SLC15A2: variants seen among roughly 807,000 people sequenced by gnomAD.
SLC15A2 encodes solute carrier family 15 member 2.
Under a neutral mutation model 95.5 loss-of-function variants are expected in SLC15A2, and 77 were observed. The ratio of observed to expected loss-of-function variants is 0.81; its 90% CI spans 0.67 to 0.97. The LOEUF (loss-of-function observed/expected upper bound fraction) is 0.97. Ranked by LOEUF, SLC15A2 falls within the 50% of genes least tolerant of loss-of-function variation. SLC15A2 has a pLI of 0.00. For missense variants in SLC15A2, 893 were observed against 874.4 expected (o/e 1.02, Z -0.27); for synonymous variants, 306 against 306.9 (o/e 1.00, Z 0.03).
intron 19 of SLC15A2, 143 bp from the exon 20 acceptor site, chr3:121,939,206 A>G (rs1386089167): frequency 3.4e-6 from 2 of 593,048 alleles, no homozygotes; most frequent in African/African-American, 1.9e-5. Context: ...AAAAGCTGGA[A>G]TTGTGTAGAA....
chr3:121,924,288 A>C, intron 11 of SLC15A2, 63 bp from the exon 12 acceptor site: 8 of 1,384,006 alleles, frequency 5.8e-6, no homozygotes, highest in Non-Finnish European at 7.1e-6. Flanking sequence ...TTATTGATCT[A>C]GGCCAACATT....
At chr3:121,897,999 T>G (rs1412426509) in intron 3 of SLC15A2, among the ~76,000 whole-genome samples, 2 of 151,920 alleles carry the variant, frequency 1.3e-5, no homozygotes, top group Admixed American at 6.6e-5. Flanking sequence ...CCGTCTCTAC[T>G]AAAAATACAA....
intron 12 of SLC15A2, 36 bp downstream of exon 12, chr3:121,924,419 G>A (rs753604781): frequency 2.8e-5 from 45 of 1,591,642 alleles, no homozygotes; most frequent in Non-Finnish European, 3.3e-5. Flanking sequence ...GGACTTATTT[G>A]TTTCCTTATC....
rs1709867426 is a variant in SLC15A2 at position 121,915,233 on chromosome 3, G to C, written c.535G>C (p.Glu179Gln). ...GDQFEEKHAE[E>Q]RTRYFSVFYL... is the part of the protein sequence containing the mutation. ...TTTATCCTGTTTGTTTCAGGCAGAG[G>C]AACGGACTAGATACTTCTCAGTCTT... Residue 179 changes from glutamate to glutamine, a missense_variant, in exon 6 of 22, where the codon GAA (glutamate) becomes CAA (glutamine). Physicochemically the swap from Glu to Gln is conservative, Grantham distance 29. Coordinates refer to ENST00000489711, the MANE Select transcript of SLC15A2 (RefSeq NM_021082.4). 1.9e-6 allele frequency: 3 copies of C among 1,612,270 alleles called. No individual in the cohort carries two copies. Among genetic ancestry groups the C allele is most frequent in the Non-Finnish European group, 2.5e-6 (3 of 1,178,478 alleles).
chr3:121,934,809 G>A (rs1710306568), intron 19 of SLC15A2, among the ~76,000 whole-genome samples: 1 of 152,090 alleles, frequency 6.6e-6, no homozygotes, highest in African/African-American at 2.4e-5. Context: ...TGTTGAATAG[G>A]AGTGGAGAGA....
intron 7 of SLC15A2, among the ~76,000 whole-genome samples, chr3:121,921,551 T>C (rs1710005705): frequency 6.6e-6 from 1 of 152,154 alleles, no homozygotes; most frequent in African/African-American, 2.4e-5. Context: ...GCTTAACAAG[T>C]TACATGTGAT....
intron 3 of SLC15A2, among the ~76,000 whole-genome samples, chr3:121,902,314 ACT>A (rs1169359004): frequency 1.3e-5 from 2 of 151,176 alleles, no homozygotes; most frequent in African/African-American, 4.9e-5. Context: ...ACTTAGAACC[ACT>A]CTCTTAAACG....
At chr3:121,919,486 G>A (rs1709965005) in intron 7 of SLC15A2, among the ~76,000 whole-genome samples, 1 of 152,142 alleles carries the variant, frequency 6.6e-6, no homozygotes, top group Admixed American at 6.5e-5. Context: ...TTTTGAATGG[G>A]GGAGTACATG....
Position 121,927,823 on chromosome 3 carries a change from T to G in SLC15A2, c.1190T>G (p.Val397Gly). 6.2e-7 allele frequency: 1 copy of G among 1,613,274 alleles called. No homozygotes were observed. Among genetic ancestry groups the G allele is most frequent in the Non-Finnish European group, 8.5e-7 (1 of 1,179,170 alleles). Reference protein sequence around the residue: ...ACLAFAVAAAVEIKINEMAPA... With the variant: ...ACLAFAVAAAGEIKINEMAPA... Reference sequence around the variant, plus strand: ...CTGGCATTTGCAGTTGCGGCAGCTGTAGAGATAAAAATAAATGTGAGTTCA... The same window carrying G: ...CTGGCATTTGCAGTTGCGGCAGCTGGAGAGATAAAAATAAATGTGAGTTCA... Residue 397 changes from valine to glycine, a missense_variant, in exon 14 of 22, where the codon GTA becomes GGA. Coordinates refer to ENST00000489711, the MANE Select transcript of SLC15A2 (RefSeq NM_021082.4).
chr3:121,931,294 A>G (rs1710228473), intron 18 of SLC15A2, among the ~76,000 whole-genome samples: 1 of 152,218 alleles, frequency 6.6e-6, no homozygotes, highest in African/African-American at 2.4e-5. Flanking sequence ...CATTACTTAG[A>G]GCTTATCTTC....
intron 3 of SLC15A2, among the ~76,000 whole-genome samples, chr3:121,909,954 T>G (rs778223776): frequency 1.3e-5 from 2 of 150,690 alleles, no homozygotes; most frequent in Non-Finnish European, 3.0e-5. Flanking sequence ...CCGATCTTAC[T>G]ACCCAGACTA....
At chr3:121,921,939 T>C (rs1416902560) in intron 7 of SLC15A2, among the ~76,000 whole-genome samples, 2 of 152,252 alleles carry the variant, frequency 1.3e-5, no homozygotes, top group Non-Finnish European at 2.9e-5. Context: ...TCTCAATAGA[T>C]ATCTCTCTTA....
chr3:121,935,074 T>C (rs1710311502), intron 19 of SLC15A2, among the ~76,000 whole-genome samples: 1 of 152,220 alleles, frequency 6.6e-6, no homozygotes, highest in Non-Finnish European at 1.5e-5. Context: ...ATTTATTGAT[T>C]TTCGTATATT....
chr3:121,909,095 C>G (rs1223586810), intron 3 of SLC15A2, among the ~76,000 whole-genome samples: 1 of 151,958 alleles, frequency 6.6e-6, no homozygotes, highest in Non-Finnish European at 1.5e-5. Context: ...GAGTCTTGCT[C>G]TGTCTCCCAG....
intron 13 of SLC15A2, 33 bp from the exon 14 acceptor site, chr3:121,927,725 T>G: frequency 6.6e-7 from 1 of 1,526,556 alleles, no homozygotes; most frequent in East Asian, 2.3e-5. Flanking sequence ...GAGTCTAAAG[T>G]TTAGATATAA....
intron 3 of SLC15A2, among the ~76,000 whole-genome samples, chr3:121,902,531 C>T (rs1412570968): frequency 6.6e-6 from 1 of 152,030 alleles, no homozygotes; most frequent in Non-Finnish European, 1.5e-5. Context: ...CATGACAGGC[C>T]CCCATGTGTG....
At chr3:121,922,131 G>C in intron 7 of SLC15A2, 89 bp from the exon 8 acceptor site, 1 of 1,003,436 alleles carries the variant, frequency 1.0e-6, no homozygotes, top group South Asian at 1.5e-5. Flanking sequence ...TGTGGTTTTT[G>C]CCATTGAAAG....
chr3:121,937,409 A>T (rs1414604301), intron 19 of SLC15A2, among the ~76,000 whole-genome samples: 6 of 121,878 alleles, frequency 4.9e-5, no homozygotes, highest in Admixed American at 1.8e-4. Context: ...CACCAATCAG[A>T]CGTAGATTTG....
chr3:121,909,602 A>G (rs1347863365), intron 3 of SLC15A2, among the ~76,000 whole-genome samples: 2 of 151,282 alleles, frequency 1.3e-5, no homozygotes, highest in Non-Finnish European at 2.9e-5. Flanking sequence ...ACTATTTCCT[A>G]TGAGGTTTTT....
Sources: allele counts gnomAD v4.1 joint callset (sites outside exome capture counted in the v4.1 genomes callset), GRCh38; gene constraint gnomAD v4.1.1; transcripts MANE v1.5; gene names NCBI Gene and HGNC (gene_info 2026-07-23, HGNC 2026-07-21).